Variants in IKBKB-DT observed in about 807,000 individuals in gnomAD.
The protein encoded by IKBKB-DT is IKBKB divergent transcript.
chr8:42,234,838 G>C (rs1199477574), intron 3 of IKBKB-DT, among the ~76,000 whole-genome samples: 2 of 152,142 alleles, frequency 1.3e-5, no homozygotes, highest in Non-Finnish European at 2.9e-5. Context: ...CCATGTTGGT[G>C]AGGCTGGTCT....
intron 3 of IKBKB-DT, among the ~76,000 whole-genome samples, chr8:42,251,953 G>A (rs1346448142): frequency 6.6e-6 from 1 of 152,130 alleles, no homozygotes; most frequent in Admixed American, 6.6e-5. Context: ...TCATCCAAGG[G>A]GCATAAGGCA....
rs118017549 is a variant in IKBKB-DT, at chr8:42,250,467, A to G, written n.1529+12862T>C. ...TTACATCTACACCCTAGCAGAATTCAGGATCTTCTATCCTCCTAGCCTGGT... is the reference window on the plus strand; with the variant it reads ...TTACATCTACACCCTAGCAGAATTCGGGATCTTCTATCCTCCTAGCCTGGT... On this transcript the variant is annotated intron_variant and non_coding_transcript_variant, in intron 3 of 3. Coordinates refer to ENST00000518213, the Ensembl canonical transcript of IKBKB-DT. Among the ~76,000 whole-genome samples the G allele has an allele frequency of 4.6e-5, 7 of 152,336 alleles. No homozygotes were observed. In the East Asian group the frequency reaches 1.3e-3, roughly 29 times the overall value.
intron 3 of IKBKB-DT, among the ~76,000 whole-genome samples, chr8:42,234,572 TG>T (rs1806893791): frequency 6.6e-6 from 1 of 152,180 alleles, no homozygotes; most frequent in Non-Finnish European, 1.5e-5. Flanking sequence ...TGTCTGGGCA[TG>T]GACCAAGCTA....
exon 1 of IKBKB-DT, chr8:42,271,103 T>C: frequency 2.2e-6 from 1 of 452,912 alleles, no homozygotes; most frequent in Non-Finnish European, 4.0e-6. Flanking sequence ...ACGGGGGTCA[T>C]TTCAGGGCTG....
chr8:42,240,556 T>C (rs1585459943), intron 3 of IKBKB-DT, among the ~76,000 whole-genome samples: 1 of 129,720 alleles, frequency 7.7e-6, no homozygotes, highest in Middle Eastern at 6.4e-3. Flanking sequence ...ACCCGGGAGG[T>C]AGAGTTTGCA....
At chr8:42,244,720 T>C (rs1807042309) in intron 3 of IKBKB-DT, among the ~76,000 whole-genome samples, 2 of 152,182 alleles carry the variant, frequency 1.3e-5, no homozygotes, top group South Asian at 2.1e-4. Context: ...ATTAGCTACA[T>C]TGGGCTGCCG....
At chr8:42,271,218 A>T (rs1225825881) in exon 1 of IKBKB-DT, 11 of 620,314 alleles carry the variant, frequency 1.8e-5, no homozygotes, top group Non-Finnish European at 2.9e-5. Context: ...GTCCCGGGAC[A>T]GGCGCAGCAC....
chr8:42,243,005 G>T (rs952708783), intron 3 of IKBKB-DT, among the ~76,000 whole-genome samples: 13 of 152,234 alleles, frequency 8.5e-5, no homozygotes, highest in African/African-American at 3.1e-4. Flanking sequence ...CTTAGGGGAA[G>T]AAGCATAGGC....
intron 3 of IKBKB-DT, among the ~76,000 whole-genome samples, chr8:42,246,220 G>A (rs1244546527): frequency 6.6e-6 from 1 of 152,058 alleles, no homozygotes; most frequent in African/African-American, 2.4e-5. Flanking sequence ...TAGAGTCAGG[G>A]TCTCACTATG....
intron 3 of IKBKB-DT, among the ~76,000 whole-genome samples, chr8:42,238,691 G>A (rs949104099): frequency 1.3e-5 from 2 of 152,116 alleles, no homozygotes; most frequent in Non-Finnish European, 2.9e-5. Context: ...GTTTTGTGAT[G>A]TTTTTCAGGC....
intron 3 of IKBKB-DT, among the ~76,000 whole-genome samples, chr8:42,240,809 T>C (rs1189493485): frequency 6.6e-6 from 1 of 151,584 alleles, no homozygotes; most frequent in African/African-American, 2.4e-5. Flanking sequence ...ACCCAATCTC[T>C]ACTAAAAATA....
intron 3 of IKBKB-DT, among the ~76,000 whole-genome samples, chr8:42,235,770 GT>G (rs1333433134): frequency 1.3e-5 from 2 of 152,100 alleles, no homozygotes; most frequent in Non-Finnish European, 2.9e-5. Context: ...CAATTAAACC[GT>G]CTTTACTGCA....
intron 3 of IKBKB-DT, among the ~76,000 whole-genome samples, chr8:42,239,415 G>A (rs549050805): frequency 3.6e-4 from 54 of 150,808 alleles, no homozygotes; most frequent in Middle Eastern, 3.2e-3. Flanking sequence ...CATCCCCTCC[G>A]GTGGGTATCT....
chr8:42,233,742 T>C (rs1563273075), exon 4 of IKBKB-DT: 3 of 152,180 alleles, frequency 2.0e-5, no homozygotes, highest in African/African-American at 7.2e-5. Context: ...AGCAGAGTTT[T>C]TAAGGACAAC....
intron 3 of IKBKB-DT, among the ~76,000 whole-genome samples, chr8:42,243,831 T>C (rs1005727305): frequency 2.0e-5 from 3 of 152,266 alleles, no homozygotes; most frequent in African/African-American, 7.2e-5. Context: ...AGTTCATTTA[T>C]TGGGTCGCAC....
chr8:42,253,650 C>T (rs78792027), intron 3 of IKBKB-DT, among the ~76,000 whole-genome samples: 4,771 of 152,266 alleles, frequency 0.031, 102 homozygotes, highest in Non-Finnish European at 0.042. Flanking sequence ...GTTTGAAATG[C>T]TTGTTCCCTG....
intron 3 of IKBKB-DT, among the ~76,000 whole-genome samples, chr8:42,239,309 A>T (rs1036329242): frequency 6.6e-6 from 1 of 151,764 alleles, no homozygotes; most frequent in Non-Finnish European, 1.5e-5. Flanking sequence ...CATGGCCCTC[A>T]TCCCGCTTCC....
At chr8:42,269,075 G>A (rs573461138) in intron 1 of IKBKB-DT, among the ~76,000 whole-genome samples, 1 of 151,764 alleles carries the variant, frequency 6.6e-6, no homozygotes, top group South Asian at 2.1e-4. Flanking sequence ...AGCACTTAGG[G>A]AGGCCAAGGC....
intron 3 of IKBKB-DT, among the ~76,000 whole-genome samples, chr8:42,253,151 G>C (rs1461467116): frequency 1.3e-5 from 2 of 152,156 alleles, no homozygotes; most frequent in African/African-American, 4.8e-5. Context: ...GACTTCAAAA[G>C]AACCTTGGTC....
Sources: allele counts gnomAD v4.1 joint callset (sites outside exome capture counted in the v4.1 genomes callset), GRCh38; gene constraint gnomAD v4.1.1; transcripts MANE v1.5; gene names NCBI Gene and HGNC (gene_info 2026-07-23, HGNC 2026-07-21).